The following ITSN1 variants were observed in gnomAD, a reference collection of about 807,000 sequenced individuals.
The protein encoded by ITSN1 is intersectin-1.
Under a neutral mutation model 239.8 loss-of-function variants are expected in ITSN1, and 58 were observed. The ratio of observed to expected loss-of-function variants is 0.24; its 90% confidence interval spans 0.20 to 0.30. The LOEUF is 0.30. ITSN1 is among the 10% of genes least tolerant of loss of function. The probability of loss-of-function intolerance (pLI) is 1.00; values close to 1 mark genes in which losing one functional copy is unlikely to be tolerated. For synonymous variants in ITSN1, 780 were observed against 770.8 expected (o/e 1.01, Z -0.20); for missense variants, 1,558 against 2,103.3 (o/e 0.74, Z 5.07).
At chr21:33,677,425 C>T (rs13051436) in intron 1 of ITSN1, among the ~76,000 whole-genome samples, 1 of 151,614 alleles carries the variant, frequency 6.6e-6, no homozygotes, top group African/African-American at 2.4e-5. Context: ...CTGCAAGCCT[C>T]GCCTCCCTGG....
intron 1 of ITSN1, among the ~76,000 whole-genome samples, chr21:33,686,439 A>G (rs1408817139): frequency 6.6e-6 from 1 of 152,188 alleles, no homozygotes; most frequent in Admixed American, 6.5e-5. Flanking sequence ...CTGGAATGCT[A>G]GAAAAGCATT....
Position 33,811,189 on chromosome 21 carries a change from C to T in ITSN1, c.2534C>T (p.Thr845Met), listed in dbSNP as rs200510636. ...GCAGTAACCTCTTCAGAGCCCTCCA[C>T]GACCCCTAATAACTGGGCCGACTTC... ...PLAVTSSEPS[T>M]TPNNWADFSS... The change falls in exon 21 of 40, where the codon ACG becomes ATG. Residue 845 changes from threonine to methionine, a missense_variant. Transcript: ENST00000381318. 178 of 1,608,638 alleles carry T rather than the reference C, an allele frequency of 1.1e-4. No homozygotes were observed. In the East Asian group the frequency reaches 3.5e-3, roughly 31 times the overall value.
intron 8 of ITSN1, among the ~76,000 whole-genome samples, chr21:33,758,397 G>A (rs2068067905): frequency 6.6e-6 from 1 of 152,206 alleles, no homozygotes; most frequent in Admixed American, 6.5e-5. Context: ...TTATAGGCGT[G>A]AGCCACCGCG....
At chr21:33,737,862 T>C (rs6517189) in intron 5 of ITSN1, among the ~76,000 whole-genome samples, 7,734 of 152,172 alleles carry the variant, frequency 0.051, 535 homozygotes, top group African/African-American at 0.15. Context: ...GATGAGCCAC[T>C]GCACCTGGCC....
At chr21:33,677,514 A>G (rs1358089095) in intron 1 of ITSN1, among the ~76,000 whole-genome samples, 7 of 151,792 alleles carry the variant, frequency 4.6e-5, no homozygotes, top group Non-Finnish European at 1.5e-5. Flanking sequence ...TAATTTTTAT[A>G]TTTTTAGTAG....
chr21:33,771,857 A>G (rs575725976), intron 11 of ITSN1, among the ~76,000 whole-genome samples: 1 of 152,304 alleles, frequency 6.6e-6, no homozygotes, highest in Non-Finnish European at 1.5e-5. Context: ...TTTTAGAAAC[A>G]GTGTTTGGCG....
At chr21:33,856,685 G>A (rs1979406955) in intron 29 of ITSN1, 51 bp from the exon 30 acceptor site, 5 of 1,611,468 alleles carry the variant, frequency 3.1e-6, no homozygotes, top group South Asian at 2.2e-5. Flanking sequence ...GTGAAGTTGT[G>A]TGGGCTTCCC....
At position 33,883,789 on chromosome 21, in the gene ITSN1, C is replaced by T. The variant is rs958491106; in HGVS notation, c.4676+118C>T. ...CAAGTGGCAATGCCATCACCCCTAGCTGGGAGTGGGGATGGGGCTATTACT... is the reference window on the plus strand; with the variant it reads ...CAAGTGGCAATGCCATCACCCCTAGTTGGGAGTGGGGATGGGGCTATTACT... On this transcript the variant is annotated intron_variant, in intron 36 of 39. Coordinates refer to ENST00000381318, the MANE Select transcript of ITSN1 (RefSeq NM_003024.3). 2.6e-5 allele frequency: 31 copies of T among 1,213,438 alleles called. No individual in the cohort carries two copies. The Admixed American group carries it at 6.9e-4, about 27-fold the overall frequency. The allele number at this position is 1,213,438 out of a possible 1,614,324, so 75.2% of individuals were successfully genotyped here. A position where few individuals can be genotyped will look rare whatever the true frequency, so the allele number is the denominator to read the frequency against.
chr21:33,658,521 A>G (rs774813434), intron 1 of ITSN1, among the ~76,000 whole-genome samples: 1 of 152,220 alleles, frequency 6.6e-6, no homozygotes, highest in Non-Finnish European at 1.5e-5. Context: ...GTATCGAGAC[A>G]TATCTAAACA....
intron 16 of ITSN1, among the ~76,000 whole-genome samples, chr21:33,788,802 C>T (rs1452675046): frequency 1.2e-4 from 18 of 151,998 alleles, no homozygotes; most frequent in African/African-American, 4.8e-5. Context: ...TTTAATGCAT[C>T]GAGAATGAAT....
At chr21:33,700,961 G>A (rs1480918836) in intron 1 of ITSN1, among the ~76,000 whole-genome samples, 1 of 150,172 alleles carries the variant, frequency 6.7e-6, no homozygotes, top group Non-Finnish European at 1.5e-5. Flanking sequence ...CTGTGTGTGT[G>A]TGTGTGTGTG....
chr21:33,686,603 G>T (rs1009483476), intron 1 of ITSN1, among the ~76,000 whole-genome samples: 1 of 152,140 alleles, frequency 6.6e-6, no homozygotes, highest in Non-Finnish European at 1.5e-5. Flanking sequence ...TTCACAGTCT[G>T]TGTGACCAGC....
chr21:33,684,306 T>C (rs908152036), intron 1 of ITSN1, among the ~76,000 whole-genome samples: 1 of 152,180 alleles, frequency 6.6e-6, no homozygotes, highest in African/African-American at 2.4e-5. Flanking sequence ...AGAGACTAAA[T>C]TGATCTTGAT....
At chr21:33,644,914 T>G (rs1016719023) in intron 1 of ITSN1, among the ~76,000 whole-genome samples, 1 of 152,056 alleles carries the variant, frequency 6.6e-6, no homozygotes, top group African/African-American at 2.4e-5. Context: ...CTCGACCTCC[T>G]GGGCTCCAGT....
intron 17 of ITSN1, among the ~76,000 whole-genome samples, chr21:33,796,118 C>T (rs2071543448): frequency 6.6e-6 from 1 of 152,198 alleles, no homozygotes; most frequent in East Asian, 1.9e-4. Flanking sequence ...TGTGTGCTAC[C>T]ACGCCCAGCT....
At chr21:33,785,369 T>A (rs1389739349) in intron 16 of ITSN1, among the ~76,000 whole-genome samples, 2 of 152,232 alleles carry the variant, frequency 1.3e-5, no homozygotes, top group Non-Finnish European at 2.9e-5. Context: ...GGAATAATCG[T>A]ACCCTGGTTC....
At chr21:33,868,700 C>T (rs1056527648) in intron 33 of ITSN1, among the ~76,000 whole-genome samples, 2 of 152,370 alleles carry the variant, frequency 1.3e-5, no homozygotes, top group Admixed American at 1.3e-4. Flanking sequence ...GCGCCTCTCC[C>T]TCCACACCTC....
intron 1 of ITSN1, among the ~76,000 whole-genome samples, chr21:33,661,214 T>C (rs1483128996): frequency 6.9e-6 from 1 of 145,574 alleles, no homozygotes; most frequent in African/African-American, 2.7e-5. Flanking sequence ...TTGGTTGTTG[T>C]TTTGCCAAAT....
intron 4 of ITSN1, among the ~76,000 whole-genome samples, chr21:33,728,793 C>T (rs984377988): frequency 2.0e-5 from 3 of 152,186 alleles, no homozygotes; most frequent in Admixed American, 2.0e-4. Context: ...GTTAGTTCTG[C>T]TTGCACTAAA....
Sources: gnomAD v4.1 joint callset for allele counts (sites outside exome capture counted in the v4.1 genomes callset) on GRCh38, gnomAD v4.1.1 for gene constraint, MANE v1.5 for transcripts, NCBI Gene and HGNC (gene_info 2026-07-23, HGNC 2026-07-21) for gene names.